KLHL29: variants seen among roughly 807,000 people sequenced by gnomAD.
KLHL29 encodes kelch-like protein 29.
In KLHL29, 21 loss-of-function variants were observed where a neutral mutation model predicts 80.4. The ratio of observed to expected loss-of-function variants is 0.26; its 90% CI spans 0.19 to 0.38. The LOEUF is 0.38. Ranked by LOEUF, KLHL29 falls within the 10% of genes least tolerant of loss-of-function variation. The pLI, the probability that KLHL29 is intolerant of heterozygous loss-of-function variation, is 1.00. For missense variants in KLHL29, 867 were observed against 1,223.9 expected (o/e 0.71, Z 4.35); for synonymous variants, 511 against 526.8 (o/e 0.97, Z 0.41).
Position 23,706,886 on chromosome 2 carries a change from G to C in KLHL29, c.*222G>C, listed in dbSNP as rs1260083160. Reference sequence around the variant, plus strand: ...TTGGAGCCGCAGGAACCACGATCCCGCCATGGGGCTGGCTGCCTCCTGAAC... The same window carrying C: ...TTGGAGCCGCAGGAACCACGATCCCCCCATGGGGCTGGCTGCCTCCTGAAC... On this transcript the variant is annotated 3_prime_UTR_variant, in exon 14 of 14. Transcript: ENST00000486442. 4.3e-6 allele frequency: 2 copies of C among 466,956 alleles called. No individual in the cohort carries two copies. The highest frequency in any genetic ancestry group is 7.5e-6 in the Non-Finnish European group (2 of 267,710). 28.9% of individuals were successfully genotyped at this position (466,956 alleles called of 1,614,324 possible). A position where few individuals can be genotyped will look rare whatever the true frequency, so the allele number is the denominator to read the frequency against.
At chr2:23,543,776 G>A (rs1035457819) in intron 2 of KLHL29, among the ~76,000 whole-genome samples, 4 of 152,190 alleles carry the variant, frequency 2.6e-5, no homozygotes, top group Admixed American at 2.0e-4. Flanking sequence ...AATTTTCCTC[G>A]GAGGAATTGC....
At chr2:23,676,734 A>G (rs1461081925) in intron 5 of KLHL29, among the ~76,000 whole-genome samples, 2 of 152,228 alleles carry the variant, frequency 1.3e-5, no homozygotes, top group Non-Finnish European at 2.9e-5. Context: ...TTCAAAGTGA[A>G]GGAACAGGAT....
intron 2 of KLHL29, among the ~76,000 whole-genome samples, chr2:23,508,282 T>G (rs747381994): frequency 6.6e-6 from 1 of 152,248 alleles, no homozygotes; most frequent in Non-Finnish European, 1.5e-5. Context: ...GGAGAGCTTG[T>G]CTTCAGTGTC....
chr2:23,671,707 T>C (rs1031756132), intron 5 of KLHL29, among the ~76,000 whole-genome samples: 5 of 152,128 alleles, frequency 3.3e-5, no homozygotes, highest in African/African-American at 1.2e-4. Context: ...GGACCCCCAG[T>C]GGAGGCCAGC....
chr2:23,655,167 G>A (rs1444461122), intron 5 of KLHL29, among the ~76,000 whole-genome samples: 1 of 152,204 alleles, frequency 6.6e-6, no homozygotes, highest in South Asian at 2.1e-4. Context: ...GGAAGCTGCA[G>A]ACAGAGCACT....
chr2:23,398,364 A>G (rs1666506117), intron 1 of KLHL29, among the ~76,000 whole-genome samples: 1 of 152,264 alleles, frequency 6.6e-6, no homozygotes, highest in African/African-American at 2.4e-5. Context: ...CAGTCACGAA[A>G]GGACCATTAC....
chr2:23,502,762 T>C (rs959716304), intron 2 of KLHL29, among the ~76,000 whole-genome samples: 1 of 152,188 alleles, frequency 6.6e-6, no homozygotes, highest in Non-Finnish European at 1.5e-5. Context: ...CACATTCTTA[T>C]GGGGGACCTG....
intron 2 of KLHL29, among the ~76,000 whole-genome samples, chr2:23,494,591 G>A (rs1665202356): frequency 6.6e-6 from 1 of 152,206 alleles, no homozygotes; most frequent in Non-Finnish European, 1.5e-5. Flanking sequence ...TAGGACTGCA[G>A]GGACCTTCAT....
At chr2:23,584,719 CTTTAT>C (rs1321634598) in intron 3 of KLHL29, among the ~76,000 whole-genome samples, 4 of 152,152 alleles carry the variant, frequency 2.6e-5, no homozygotes, top group South Asian at 2.1e-4. Context: ...TTTACTCAGC[CTTTAT>C]TTTATTTTAT....
rs185726234 is a variant in KLHL29 at position 23,639,268 on chromosome 2, A to C, written c.415A>C (p.Ser139Arg). 188 of 1,547,630 alleles carry C rather than the reference A, an allele frequency of 1.2e-4. 2 individuals are homozygous for C. In the African/African-American group the frequency reaches 2.1e-3, roughly 17 times the overall value. The change falls in exon 4 of 14, where the codon AGT becomes CGT. Residue 139 changes from serine (S) to arginine (R), a missense_variant. Ser to Arg is a moderately radical substitution (Grantham distance 110, BLOSUM62 -1). Around this residue, in one of 2 missense-constraint regions of KLHL29, gnomAD observed 424 missense variants for 456.9 expected, o/e 0.93. Coordinates refer to ENST00000486442, the MANE Select transcript of KLHL29 (RefSeq NM_052920.2). ...GCCACCCTCCAAACAGATGAGAGAG[A>C]GTGACAATCCAGGTACGTACCTCAT... Reference protein sequence around the residue: ...DEPPSKQMRESDNPGTGPWVT... With the variant: ...DEPPSKQMRERDNPGTGPWVT...
intron 5 of KLHL29, among the ~76,000 whole-genome samples, chr2:23,654,662 G>C (rs1670184839): frequency 8.0e-6 from 1 of 125,642 alleles, no homozygotes; most frequent in South Asian, 3.2e-4. Context: ...AGGGCTGGGA[G>C]ATGCAGCCTT....
intron 1 of KLHL29, among the ~76,000 whole-genome samples, chr2:23,443,063 C>T (rs899839298): frequency 6.6e-6 from 1 of 152,138 alleles, no homozygotes. Context: ...CCTTTCCCTT[C>T]CCCAATTTTT....
At chr2:23,453,053 A>G (rs1465140690) in intron 1 of KLHL29, among the ~76,000 whole-genome samples, 1 of 152,008 alleles carries the variant, frequency 6.6e-6, no homozygotes, top group Non-Finnish European at 1.5e-5. Context: ...AGAGACCGTA[A>G]ACTTCTAAAG....
At chr2:23,444,067 C>A (rs1663607455) in intron 1 of KLHL29, among the ~76,000 whole-genome samples, 2 of 152,078 alleles carry the variant, frequency 1.3e-5, no homozygotes, top group Non-Finnish European at 2.9e-5. Flanking sequence ...TGCTTTTAGG[C>A]ACAATATGCC....
chr2:23,463,237 TTTGG>T (rs1664264396), intron 1 of KLHL29, among the ~76,000 whole-genome samples: 1 of 151,722 alleles, frequency 6.6e-6, no homozygotes, highest in Non-Finnish European at 1.5e-5. Context: ...TTTTTTTTCA[TTTGG>T]TTTATAGGTA....
At chr2:23,543,687 G>A (rs1029154595) in intron 2 of KLHL29, among the ~76,000 whole-genome samples, 3 of 152,230 alleles carry the variant, frequency 2.0e-5, no homozygotes, top group African/African-American at 7.2e-5. Flanking sequence ...GACGGCTGGA[G>A]CTTCAAAGCT....
chr2:23,528,611 A>G (rs1424656515), intron 2 of KLHL29, among the ~76,000 whole-genome samples: 1 of 152,148 alleles, frequency 6.6e-6, no homozygotes, highest in African/African-American at 2.4e-5. Flanking sequence ...CAAAATTACA[A>G]TTGCTCCAAG....
intron 2 of KLHL29, among the ~76,000 whole-genome samples, chr2:23,535,571 A>G (rs893340172): frequency 2.0e-5 from 3 of 152,252 alleles, no homozygotes; most frequent in African/African-American, 7.2e-5. Context: ...AGCCTTAAAA[A>G]GAAAGGGAAT....
intron 3 of KLHL29, among the ~76,000 whole-genome samples, chr2:23,598,833 G>A (rs937448962): frequency 6.6e-6 from 1 of 152,208 alleles, no homozygotes; most frequent in Admixed American, 6.5e-5. Context: ...ATTGAGATGA[G>A]GCTTGAGGGT....
Sources: gnomAD v4.1 joint callset for allele counts (sites outside exome capture counted in the v4.1 genomes callset) on GRCh38, gnomAD v4.1.1 for gene constraint, gnomAD v4.1.1 regional missense constraint, MANE v1.5 for transcripts, NCBI Gene and HGNC (gene_info 2026-07-23, HGNC 2026-07-21) for gene names.